Variants in ADARB2 observed in about 807,000 individuals in gnomAD.
ADARB2 encodes the protein inactive double-stranded RNA-specific editase B2.
Under a neutral mutation model 62.2 loss-of-function variants are expected in ADARB2, and 25 were observed. That is an observed-to-expected ratio of 0.40 (90% CI 0.29 to 0.56). The LOEUF (loss-of-function observed/expected upper bound fraction) is 0.56. Among genes scored for constraint, ADARB2 ranks in the 20% least tolerant of loss-of-function variants. The pLI, the probability that ADARB2 is intolerant of heterozygous loss-of-function variation, is 0.43. For synonymous variants in ADARB2, 572 were observed against 500.8 expected, an observed-to-expected ratio of 1.14 and a Z score of -1.90; for missense variants, 1,071 against 1,077.4, an observed-to-expected ratio of 0.99 and a Z score of 0.08.
At chr10:1,583,578 A>G (rs1833135036) in intron 1 of ADARB2, among the ~76,000 whole-genome samples, 2 of 152,242 alleles carry the variant, frequency 1.3e-5, no homozygotes, top group African/African-American at 4.8e-5. Context: ...AACTCGAAAG[A>G]AAGAAATTCA....
At chr10:1,507,737 C>T (rs1349785233) in intron 1 of ADARB2, among the ~76,000 whole-genome samples, 1 of 152,190 alleles carries the variant, frequency 6.6e-6, no homozygotes, top group Non-Finnish European at 1.5e-5. Context: ...GTTGTGAGTC[C>T]TAAGTGCCAG....
chr10:1,275,028 G>C (rs1831302165), intron 3 of ADARB2, among the ~76,000 whole-genome samples: 1 of 152,232 alleles, frequency 6.6e-6, no homozygotes, highest in African/African-American at 2.4e-5. Context: ...TCCGCACCCT[G>C]CAGGCCTGTA....
At chr10:1,372,242 T>C (rs80159017) in intron 2 of ADARB2, among the ~76,000 whole-genome samples, 2,809 of 152,268 alleles carry the variant, frequency 0.018, 39 homozygotes, top group Middle Eastern at 0.034. Context: ...TTCTCACTTA[T>C]GAGTGGGGGC....
At chr10:1,351,165 T>C (rs1038135107) in intron 3 of ADARB2, among the ~76,000 whole-genome samples, 4 of 152,222 alleles carry the variant, frequency 2.6e-5, no homozygotes, top group Non-Finnish European at 5.9e-5. Context: ...CCTGGAACTC[T>C]GGCCCAAGGC....
At chr10:1,376,911 C>A (rs914435105) in intron 2 of ADARB2, among the ~76,000 whole-genome samples, 16 of 142,304 alleles carry the variant, frequency 1.1e-4, no homozygotes, top group Non-Finnish European at 1.2e-4. Flanking sequence ...TGTGTGTGTG[C>A]GCATGTGCTT....
intron 1 of ADARB2, among the ~76,000 whole-genome samples, chr10:1,582,045 G>A (rs145905104): frequency 3.0e-4 from 45 of 152,302 alleles, no homozygotes; most frequent in Non-Finnish European, 6.2e-4. Context: ...CTTGAGGTCC[G>A]AGCAGACCTT....
At chr10:1,702,855 T>C (rs551630010) in intron 1 of ADARB2, among the ~76,000 whole-genome samples, 2 of 152,348 alleles carry the variant, frequency 1.3e-5, no homozygotes, top group South Asian at 4.1e-4. Context: ...AAAAGCAGAT[T>C]GCAATGCAAG....
At chr10:1,714,407 C>T (rs1282933595) in intron 1 of ADARB2, among the ~76,000 whole-genome samples, 1 of 152,222 alleles carries the variant, frequency 6.6e-6, no homozygotes, top group Non-Finnish European at 1.5e-5. Flanking sequence ...ACTTACTGAG[C>T]ATGTCTAATC....
chr10:1,291,487 T>A (rs1448935149), intron 3 of ADARB2: 1 of 152,202 alleles, frequency 6.6e-6, no homozygotes, highest in Non-Finnish European at 1.5e-5. Context: ...TGGTCCATGT[T>A]CCCTCCTCAC....
At chr10:1,435,418 G>T (rs141374245) in intron 1 of ADARB2, among the ~76,000 whole-genome samples, 1 of 152,172 alleles carries the variant, frequency 6.6e-6, no homozygotes, top group Non-Finnish European at 1.5e-5. Context: ...ATTAACTCAG[G>T]GGGCCTGTGT....
chr10:1,704,637 A>G lies in ADARB2; in HGVS notation c.100+32414T>C, dbSNP rs912141161. On this transcript the variant is annotated intron_variant, in intron 1 of 9. Coordinates refer to ENST00000381312, the MANE Select transcript of ADARB2 (RefSeq NM_018702.4). The surrounding 1 kb of genome is among the most constrained non-coding windows in gnomAD (Gnocchi z 5.6). ...CCAGTCCTTGGCCCGGGGGCTGGAG[A>G]CGTCTGAGTTAAAGCATCTAACTCT... Among the ~76,000 whole-genome samples, 3 of 152,124 alleles carry G rather than the reference A, an allele frequency of 2.0e-5. No individual in the cohort carries two copies. Among genetic ancestry groups the G allele is most frequent in the Admixed American group, 1.3e-4 (2 of 15,262 alleles).
intron 1 of ADARB2, among the ~76,000 whole-genome samples, chr10:1,584,684 G>C (rs905491191): frequency 6.6e-6 from 1 of 152,206 alleles, no homozygotes; most frequent in African/African-American, 2.4e-5. Flanking sequence ...AACTTGGAGC[G>C]ACCAAGAGGC....
At chr10:1,696,110 CAT>C (rs1477519071) in intron 1 of ADARB2, among the ~76,000 whole-genome samples, 10 of 152,130 alleles carry the variant, frequency 6.6e-5, no homozygotes, top group East Asian at 1.9e-4. Context: ...TATGCACACA[CAT>C]GTCCATGTTT....
At chr10:1,199,043 G>A (rs934013352) in intron 8 of ADARB2, among the ~76,000 whole-genome samples, 3 of 152,226 alleles carry the variant, frequency 2.0e-5, no homozygotes, top group African/African-American at 7.2e-5. Flanking sequence ...GCAAACAGGT[G>A]AAAATCCTCT....
At chr10:1,222,070 C>A (rs1830700020) in intron 6 of ADARB2, among the ~76,000 whole-genome samples, 1 of 152,200 alleles carries the variant, frequency 6.6e-6, no homozygotes. Flanking sequence ...ACATCCTCTC[C>A]AGCACCTGTT....
At chr10:1,513,499 C>T (rs1469208164) in intron 1 of ADARB2, among the ~76,000 whole-genome samples, 1 of 152,154 alleles carries the variant, frequency 6.6e-6, no homozygotes, top group East Asian at 1.9e-4. Flanking sequence ...GAGTTCATGG[C>T]TCTGTTCTGG....
At chr10:1,444,345 TCACC>T (rs1830940643) in intron 1 of ADARB2, among the ~76,000 whole-genome samples, 2 of 5,442 alleles carry the variant, frequency 3.7e-4, no homozygotes, top group Non-Finnish European at 9.6e-4. Context: ...AGCCATCCAC[TCACC>T]CATCCACTCA....
chr10:1,272,524 G>A (rs1042628551), intron 3 of ADARB2, among the ~76,000 whole-genome samples: 1 of 152,216 alleles, frequency 6.6e-6, no homozygotes, highest in African/African-American at 2.4e-5. Flanking sequence ...AGGGCCCGGC[G>A]CAGTCTCCTC....
chr10:1,378,249 T>A (rs1358513789), intron 2 of ADARB2, among the ~76,000 whole-genome samples: 1 of 152,172 alleles, frequency 6.6e-6, no homozygotes, highest in Non-Finnish European at 1.5e-5. Flanking sequence ...ACCAGCCTGG[T>A]GCCATCCTGA....
Sources: allele counts gnomAD v4.1 joint callset (sites outside exome capture counted in the v4.1 genomes callset), GRCh38; gene constraint gnomAD v4.1.1; non-coding constraint Gnocchi (gnomAD v3.1); transcripts MANE v1.5; gene names NCBI Gene and HGNC (gene_info 2026-07-23, HGNC 2026-07-21).